PATZ1: variants seen among roughly 807,000 people sequenced by gnomAD.
PATZ1 encodes the protein POZ-, AT hook-, and zinc finger-containing protein 1.
Under a neutral mutation model 46.2 loss-of-function variants are expected in PATZ1, and 9 were observed. That is an observed-to-expected ratio of 0.19 (90% CI 0.12 to 0.34). The LOEUF (loss-of-function observed/expected upper bound fraction) is 0.34. Among genes scored for constraint, PATZ1 ranks in the 10% least tolerant of loss-of-function variants. PATZ1 has a pLI of 1.00. For synonymous variants in PATZ1, 426 were observed against 378.6 expected, an observed-to-expected ratio of 1.13 and a Z score of -1.45; for missense variants, 632 against 923.0, an observed-to-expected ratio of 0.68 and a Z score of 4.08.
In PATZ1 at chr22:31,346,308, GC is replaced by G; in HGVS notation, c.-707del. On this transcript the variant is annotated 5_prime_UTR_variant, in exon 1 of 5. Transcript: ENST00000266269. ...GCGGCGGCGGAGCGGCGGCTGTGCG[GC>G]CCCGGGCTCCGTGTGTTCGGAGCGG... 1 of 154,242 alleles carries G rather than the reference GC, an allele frequency of 6.5e-6. No homozygotes were observed. Among genetic ancestry groups the G allele is most frequent in the Non-Finnish European group, 1.4e-5 (1 of 69,318 alleles). 9.6% of individuals were successfully genotyped at this position (154,242 alleles called of 1,614,324 possible).
At chr22:31,337,118 A>G (rs889706238) in intron 2 of PATZ1, among the ~76,000 whole-genome samples, 3 of 152,190 alleles carry the variant, frequency 2.0e-5, no homozygotes, top group Non-Finnish European at 4.4e-5. Flanking sequence ...TCAAAAAAAA[A>G]AAGCATTTGT....
Position 31,327,916 on chromosome 22 carries a change from G to A in PATZ1, c.1646-607C>T, listed in dbSNP as rs1413875411. 6.6e-6 allele frequency among the ~76,000 whole-genome samples: 1 copy of A among 152,158 alleles called. No homozygotes were observed. The highest frequency in any genetic ancestry group is 1.9e-4 in the East Asian group (1 of 5,184). On this transcript the variant is annotated intron_variant, in intron 4 of 4. Coordinates refer to ENST00000266269, the MANE Select transcript of PATZ1 (RefSeq NM_014323.3). This position sits in a 1 kb window ranked among gnomAD's most constrained non-coding sequence, Gnocchi z 4.2. ...CAGGGCCAAGCAGCCCAAGCACAGA[G>A]ATTGAAAGCAACTCTGTACTACTCA... is the stretch of plus-strand genomic sequence containing the variant.
At position 31,326,861 on chromosome 22, in the gene PATZ1, GGTT is replaced by G. The variant is rs776815518; in HGVS notation, c.*27_*29del. ...CAGCATTTCCCAGCAGTCCCCAGAT[GGTT>G]GTTTCCGTGGGGACACAGCAGCTGC... On this transcript the variant is annotated 3_prime_UTR_variant, in exon 5 of 5. Transcript: ENST00000266269. 1.3e-6 allele frequency: 2 copies of G among 1,574,722 alleles called. No homozygotes were observed. The highest frequency in any genetic ancestry group is 2.7e-5 in the African/African-American group (2 of 73,542).
chr22:31,338,757 A>G (rs1056468713), intron 2 of PATZ1, among the ~76,000 whole-genome samples: 7 of 152,168 alleles, frequency 4.6e-5, no homozygotes, highest in Admixed American at 2.6e-4. Flanking sequence ...GTGTAAGAAA[A>G]CAGGGCTGAG....
Position 31,326,869 on chromosome 22 carries a change from C to A in PATZ1, c.*22G>T. On this transcript the variant is annotated 3_prime_UTR_variant, in exon 5 of 5. Transcript: ENST00000266269. ...CCCAGCAGTCCCCAGATGGTTGTTT[C>A]CGTGGGGACACAGCAGCTGCCTCAT... 6.3e-7 allele frequency: 1 copy of A among 1,588,448 alleles called. No homozygotes were observed.
Position 31,345,351 on chromosome 22 carries a change from C to A in PATZ1, c.252G>T (p.Pro84=), listed in dbSNP as rs2049639328. The part of the protein sequence containing the change: ...LGDGGAADGG[P]ADVGGATAAP... ...CTGCCGTCGCGCCCCCTACATCAGCCGGACCCCCGTCCGCAGCTCCGCCGT... is the reference window on the plus strand; with the variant it reads ...CTGCCGTCGCGCCCCCTACATCAGCAGGACCCCCGTCCGCAGCTCCGCCGT... The change falls in exon 1 of 5, where the codon CCG becomes CCT. Residue 84 remains proline, a synonymous_variant. Transcript: ENST00000266269. The surrounding 1 kb of genome is among the most constrained non-coding windows in gnomAD (Gnocchi z 7.4). The A allele has an allele frequency of 6.2e-7, 1 of 1,607,384 alleles. No homozygotes were observed. The highest frequency in any genetic ancestry group is 1.7e-5 in the Admixed American group (1 of 59,604).
intron 2 of PATZ1, chr22:31,340,616 C>T (rs1222795206): frequency 1.2e-5 from 11 of 942,094 alleles, no homozygotes; most frequent in Non-Finnish European, 1.4e-5. Flanking sequence ...ATTTGTACAC[C>T]AAGGGACAGT....
At chr22:31,333,701 T>C (rs2049474277) in intron 3 of PATZ1, among the ~76,000 whole-genome samples, 1 of 152,190 alleles carries the variant, frequency 6.6e-6, no homozygotes, top group Non-Finnish European at 1.5e-5. Context: ...CCAGACCCAG[T>C]CTTGGCTTTT....
Position 31,344,475 on chromosome 22 carries a change from G to C in PATZ1, c.1128C>G (p.Ser376=), listed in dbSNP as rs1356641007. ...AGGAGTAGGGCTTCTCCCCAGAGTG[G>C]GACAGCTTGTGCCGGTTAAGATGAT... The part of the protein sequence containing the change: ...DVYHLNRHKL[S]HSGEKPYSCP... Residue 376 remains serine, a synonymous_variant, in exon 1 of 5, where the codon TCC becomes TCG. Coordinates refer to ENST00000266269, the MANE Select transcript of PATZ1 (RefSeq NM_014323.3). The C allele has an allele frequency of 1.2e-6, 2 of 1,614,092 alleles. No individual in the cohort carries two copies. Among genetic ancestry groups the C allele is most frequent in the African/African-American group, 1.3e-5 (1 of 74,936 alleles).
At chr22:31,342,817 C>T (rs989124193) in intron 2 of PATZ1, 80 bp downstream of exon 2, 15 of 1,512,270 alleles carry the variant, frequency 9.9e-6, no homozygotes, top group Non-Finnish European at 1.3e-5. Context: ...CCCCGGCACA[C>T]GCAGCGGCTG....
chr22:31,334,137 G>A (rs979334193), intron 3 of PATZ1, among the ~76,000 whole-genome samples: 5 of 152,190 alleles, frequency 3.3e-5, no homozygotes, highest in Admixed American at 3.3e-4. Flanking sequence ...GTTATCCGGG[G>A]GAGCTGTCAG....
In PATZ1 at chr22:31,335,807, A is replaced by G; in HGVS notation, c.1392T>C (p.His464=). 1 of 1,614,078 alleles carries G rather than the reference A, an allele frequency of 6.2e-7. No homozygotes were observed. The highest frequency in any genetic ancestry group is 8.5e-7 in the Non-Finnish European group (1 of 1,180,010). ...ACACCTGGCAGGGCACCTTGTCTTC[A>G]TGACAGGCCAGGTGGGAGCGCAGAC... ...RDRLRSHLAC[H]EDKVPCQVCG... The change falls in exon 3 of 5, where the codon CAT becomes CAC. Residue 464 remains histidine (H), a synonymous_variant. Coordinates refer to ENST00000266269, the MANE Select transcript of PATZ1 (RefSeq NM_014323.3).
At chr22:31,333,595 A>C (rs762307946) in intron 3 of PATZ1, among the ~76,000 whole-genome samples, 1 of 147,406 alleles carries the variant, frequency 6.8e-6, no homozygotes, top group Non-Finnish European at 1.5e-5. Context: ...CTTTCTGAGT[A>C]CCCAGCATGG....
chr22:31,326,144 T>C lies in PATZ1; in HGVS notation c.*747A>G. Reference sequence around the variant, plus strand: ...ACCTGGGATAGCTTTCAGTAGCAATTCACTACAACTGGTCCTAAAAAATAA... The same window carrying C: ...ACCTGGGATAGCTTTCAGTAGCAATCCACTACAACTGGTCCTAAAAAATAA... On this transcript the variant is annotated 3_prime_UTR_variant, in exon 5 of 5. Coordinates refer to ENST00000266269, the MANE Select transcript of PATZ1 (RefSeq NM_014323.3). 4.5e-6 allele frequency: 1 copy of C among 223,042 alleles called. No homozygotes were observed. The highest frequency in any genetic ancestry group is 9.0e-6 in the Non-Finnish European group (1 of 111,372). 13.8% of individuals were successfully genotyped at this position (223,042 alleles called of 1,614,324 possible).
At position 31,343,036 on chromosome 22, in the gene PATZ1, G is replaced by GTA. The variant is rs549656409; in HGVS notation, c.1272-78_1272-77dup. On this transcript the variant is annotated intron_variant, in intron 1 of 4. Coordinates refer to ENST00000266269, the MANE Select transcript of PATZ1 (RefSeq NM_014323.3). ...CACACAGGCACATATGCATACGTGT[G>GTA]TACACACACACACACACTCACTGCT... The GTA allele has an allele frequency of 2.8e-4, 441 of 1,602,862 alleles. 8 individuals are homozygous for GTA. The South Asian group carries it at 4.3e-3, about 16-fold the overall frequency.
At chr22:31,335,326 T>C (rs1462088741) in intron 3 of PATZ1, 1 of 187,938 alleles carries the variant, frequency 5.3e-6, no homozygotes, top group Non-Finnish European at 1.1e-5. Context: ...AACCTCTTTT[T>C]CTCTCACTTT....
At chr22:31,331,813 C>A (rs2049447249) in intron 3 of PATZ1, among the ~76,000 whole-genome samples, 1 of 152,132 alleles carries the variant, frequency 6.6e-6, no homozygotes, top group Non-Finnish European at 1.5e-5. Flanking sequence ...GAGAACACAG[C>A]AGATGCTCAA....
intron 2 of PATZ1, chr22:31,341,784 C>T: frequency 2.1e-6 from 2 of 954,850 alleles, no homozygotes; most frequent in Non-Finnish European, 1.6e-6. Flanking sequence ...AATCAGCACA[C>T]TACCTGAGTC....
chr22:31,331,396 G>C (rs1178968571), intron 3 of PATZ1, among the ~76,000 whole-genome samples: 1 of 149,358 alleles, frequency 6.7e-6, no homozygotes, highest in African/African-American at 2.5e-5. Context: ...CTGGAGTGCA[G>C]TGGCACCATC....
Sources: allele counts gnomAD v4.1 joint callset (sites outside exome capture counted in the v4.1 genomes callset), GRCh38; gene constraint gnomAD v4.1.1; non-coding constraint Gnocchi (gnomAD v3.1); transcripts MANE v1.5; gene names NCBI Gene and HGNC (gene_info 2026-07-23, HGNC 2026-07-21).